PICALM: variants seen among roughly 807,000 people sequenced by gnomAD.
The protein encoded by PICALM is phosphatidylinositol-binding clathrin assembly protein.
Under a neutral mutation model 80.5 loss-of-function variants are expected in PICALM, and 40 were observed. The observed-to-expected ratio is 0.50, with a 90% CI of 0.39 to 0.65. The LOEUF is 0.65. Ranked by LOEUF, PICALM falls within the 30% of genes least tolerant of loss-of-function variation. The pLI is 0.00. For synonymous variants in PICALM, 288 were observed against 260.3 expected, an observed-to-expected ratio of 1.11 and a Z score of -1.02; for missense variants, 676 against 778.9, an observed-to-expected ratio of 0.87 and a Z score of 1.57.
At chr11:85,974,184 T>C (rs2135542566) in intron 19 of PICALM, among the ~76,000 whole-genome samples, 1 of 152,330 alleles carries the variant, frequency 6.6e-6, no homozygotes, top group South Asian at 2.1e-4. Flanking sequence ...CATCTAAGTT[T>C]AGCATGACAT....
In PICALM at chr11:85,959,038, C is replaced by T. The variant is rs2093597857; in HGVS notation, c.*8G>A. ...CTTTTTGGAGTAATTCCATTTTCTTCCATCAAGTTACATAAACTGTATCTG... is the reference window on the plus strand; with the variant it reads ...CTTTTTGGAGTAATTCCATTTTCTTTCATCAAGTTACATAAACTGTATCTG... On this transcript the variant is annotated 3_prime_UTR_variant, in exon 20 of 20. Coordinates refer to ENST00000393346, the MANE Select transcript of PICALM (RefSeq NM_007166.4). 1 of 1,589,858 alleles carries T rather than the reference C, an allele frequency of 6.3e-7. No homozygotes were observed. The highest frequency in any genetic ancestry group is 8.6e-7 in the Non-Finnish European group (1 of 1,163,554).
chr11:86,054,123 C>T (rs1219403215), intron 1 of PICALM, among the ~76,000 whole-genome samples: 1 of 152,172 alleles, frequency 6.6e-6, no homozygotes, highest in Non-Finnish European at 1.5e-5. Context: ...CATGAGTTCA[C>T]AGTATGCCTG....
intron 4 of PICALM, among the ~76,000 whole-genome samples, chr11:86,018,962 G>C (rs901771684): frequency 6.6e-6 from 1 of 151,978 alleles, no homozygotes; most frequent in Non-Finnish European, 1.5e-5. Context: ...CACAGGAGGG[G>C]AAGAAAAGCA....
At chr11:85,966,170 C>T (rs1044078799) in intron 19 of PICALM, among the ~76,000 whole-genome samples, 4 of 151,822 alleles carry the variant, frequency 2.6e-5, no homozygotes, top group African/African-American at 9.7e-5. Context: ...TGGGAGCATT[C>T]CACTTTGAAT....
chr11:86,045,519 C>CAAAAAAAAAA lies in PICALM; in HGVS notation c.131-13918_131-13909dup, dbSNP rs71040207. Among the ~76,000 whole-genome samples, 72 of 47,804 alleles carry CAAAAAAAAAA rather than the reference C, an allele frequency of 1.5e-3. 5 individuals carry two copies. Among genetic ancestry groups the CAAAAAAAAAA allele is most frequent in the Admixed American group, 5.2e-3 (17 of 3,248 alleles). The allele number at this position is 47,804 out of a possible 152,430, so 31.4% of individuals were successfully genotyped here. On this transcript the variant is annotated intron_variant, in intron 1 of 19. Coordinates refer to ENST00000393346, the MANE Select transcript of PICALM (RefSeq NM_007166.4). ...CATAGTGAGACCCTGTCTTGAAATTCAAAAAAAAAAAAAAAAAAAAAAAAA... is the reference window on the plus strand; with the variant it reads ...CATAGTGAGACCCTGTCTTGAAATTCAAAAAAAAAAAAAAAAAAAAAAAAAAAAAAAAAAA...
At chr11:85,976,221 A>G (rs2094278105) in intron 18 of PICALM, among the ~76,000 whole-genome samples, 1 of 152,132 alleles carries the variant, frequency 6.6e-6, no homozygotes, top group African/African-American at 2.4e-5. Context: ...TCACAGGAAA[A>G]TTTCTCTAGC....
intron 2 of PICALM, among the ~76,000 whole-genome samples, chr11:86,028,825 T>C (rs2095697051): frequency 1.4e-5 from 2 of 142,468 alleles, no homozygotes; most frequent in Admixed American, 7.3e-5. Context: ...TGTGCATTAC[T>C]GTTTTTAATT....
intron 17 of PICALM, 60 bp from the exon 18 acceptor site, chr11:85,976,742 C>A: frequency 1.0e-6 from 1 of 972,536 alleles, no homozygotes; most frequent in Non-Finnish European, 1.7e-6. Flanking sequence ...CAACTGAGTT[C>A]AAGGAATTAG....
rs775072780 is a variant in PICALM at position 85,986,365 on chromosome 11, A to AT, written c.1409-2393dup. ...AAACTATCAGGACTGCCAACTTTTA[A>AT]TTTTTTTTTTTTTTTTTTTTTTTTT... On this transcript the variant is annotated intron_variant, in intron 13 of 19. Coordinates refer to ENST00000393346, the MANE Select transcript of PICALM (RefSeq NM_007166.4). 7.7e-3 allele frequency among the ~76,000 whole-genome samples: 567 copies of AT among 73,736 alleles called. 107 individuals are homozygous for AT. The highest frequency in any genetic ancestry group is 0.018 in the Middle Eastern group (2 of 114). 48.4% of individuals were successfully genotyped at this position (73,736 alleles called of 152,430 possible).
chr11:86,022,990 A>G (rs2095592630), intron 3 of PICALM, among the ~76,000 whole-genome samples: 1 of 152,196 alleles, frequency 6.6e-6, no homozygotes, highest in Non-Finnish European at 1.5e-5. Context: ...GGTGTAACAA[A>G]AACAATTATA....
chr11:86,038,186 G>A (rs1235616652), intron 1 of PICALM, among the ~76,000 whole-genome samples: 1 of 152,084 alleles, frequency 6.6e-6, no homozygotes, highest in Non-Finnish European at 1.5e-5. Flanking sequence ...CAGGCATGGT[G>A]GCACATGCTT....
At chr11:86,011,179 A>G (rs750724839) in intron 6 of PICALM, 43 bp from the exon 7 acceptor site, 14 of 850,394 alleles carry the variant, frequency 1.6e-5, no homozygotes, top group Admixed American at 2.7e-5. Flanking sequence ...ACATCAAAAT[A>G]TAACACCCAA....
chr11:85,990,890 T>C (rs796966033), intron 12 of PICALM, among the ~76,000 whole-genome samples: 1 of 151,812 alleles, frequency 6.6e-6, no homozygotes, highest in Admixed American at 6.6e-5. Flanking sequence ...AGATTCAAAA[T>C]AAAAAATAAA....
chr11:86,068,605 G>A (rs757543396), intron 1 of PICALM, 46 bp downstream of exon 1: 8 of 1,574,082 alleles, frequency 5.1e-6, no homozygotes, highest in African/African-American at 1.4e-5. Flanking sequence ...ACGCGCGCGG[G>A]TCGCGCGGGC....
chr11:86,033,671 C>A (rs1179607608), intron 1 of PICALM, among the ~76,000 whole-genome samples: 1 of 152,176 alleles, frequency 6.6e-6, no homozygotes, highest in East Asian at 1.9e-4. Context: ...CTGAACTCAT[C>A]TTAATTTGTT....
chr11:86,004,276 T>TCAAACAATA (rs1265605880), intron 8 of PICALM, among the ~76,000 whole-genome samples: 1 of 152,144 alleles, frequency 6.6e-6, no homozygotes, highest in African/African-American at 2.4e-5. Flanking sequence ...AACATAGATC[T>TCAAACAATA]CAAACAATAC....
At chr11:86,016,319 A>AC in intron 4 of PICALM, among the ~76,000 whole-genome samples, 1 of 152,268 alleles carries the variant, frequency 6.6e-6, no homozygotes, top group South Asian at 2.1e-4. Flanking sequence ...AACAACAACA[A>AC]AAAAAGGTAA....
intron 1 of PICALM, among the ~76,000 whole-genome samples, chr11:86,048,513 A>G (rs2096116889): frequency 6.6e-6 from 1 of 152,206 alleles, no homozygotes; most frequent in African/African-American, 2.4e-5. Context: ...AGTTCTGTGA[A>G]GAAAAATTAC....
Position 85,974,805 on chromosome 11 carries a change from T to C in PICALM, c.1847A>G (p.Gln616Arg). The change falls in exon 19 of 20, where the codon CAA (glutamine) becomes CGA (arginine). Residue 616 changes from glutamine to arginine, a missense_variant. This residue lies in a region of PICALM where 391 missense variants were observed against 383.6 expected (regional missense o/e 1.02). Transcript: ENST00000393346. ...TGMIGYGIPP[Q>R]MGSVPVMTQP... is the part of the protein sequence containing the mutation. ...CGTCATTACAGGAACACTTCCCATTTGTGGAGGCTAAAAAAGAGAAAAATA... is the reference window on the plus strand; with the variant it reads ...CGTCATTACAGGAACACTTCCCATTCGTGGAGGCTAAAAAAGAGAAAAATA... The C allele has an allele frequency of 6.2e-7, 1 of 1,610,946 alleles. No homozygotes were observed. Among genetic ancestry groups the C allele is most frequent in the Non-Finnish European group, 8.5e-7 (1 of 1,177,164 alleles).
Sources: allele counts gnomAD v4.1 joint callset (sites outside exome capture counted in the v4.1 genomes callset), GRCh38; gene constraint gnomAD v4.1.1; regional missense constraint gnomAD v4.1.1; transcripts MANE v1.5; gene names NCBI Gene and HGNC (gene_info 2026-07-23, HGNC 2026-07-21).